Variants in DENND5B observed in about 807,000 individuals in gnomAD.
The protein encoded by DENND5B is DENN domain containing 5B, also known as DENN domain-containing protein 5B.
DENND5B carries 34 observed loss-of-function variants against 140.6 expected under a neutral mutation model. The observed-to-expected ratio is 0.24, with a 90% confidence interval of 0.18 to 0.32. The LOEUF (loss-of-function observed/expected upper bound fraction) is 0.32, where lower values mean the gene tolerates loss of function less well. Ranked by LOEUF, DENND5B falls within the 10% of genes least tolerant of loss-of-function variation. The pLI, the probability that DENND5B is intolerant of heterozygous loss-of-function variation, is 1.00. For synonymous variants in DENND5B, 551 were observed against 562.1 expected (o/e 0.98, Z 0.28); for missense variants, 1,142 against 1,560.2 (o/e 0.73, Z 4.52).
intron 11 of DENND5B, among the ~76,000 whole-genome samples, chr12:31,417,839 G>A (rs1371836150): frequency 6.6e-6 from 1 of 152,074 alleles, no homozygotes; most frequent in Non-Finnish European, 1.5e-5. Context: ...ACCTATATAA[G>A]TAGAACTTAG....
At chr12:31,503,828 C>A (rs775745238) in intron 1 of DENND5B, among the ~76,000 whole-genome samples, 4 of 152,084 alleles carry the variant, frequency 2.6e-5, no homozygotes, top group Non-Finnish European at 4.4e-5. Context: ...TGTTTCTGAC[C>A]AGAGACTTTC....
intron 1 of DENND5B, among the ~76,000 whole-genome samples, chr12:31,497,042 A>T (rs940759687): frequency 1.3e-5 from 2 of 151,930 alleles, no homozygotes; most frequent in African/African-American, 4.8e-5. Flanking sequence ...TCACAAAGCA[A>T]TTTGATTTAT....
At chr12:31,538,919 CTG>C (rs1392580352) in intron 1 of DENND5B, among the ~76,000 whole-genome samples, 1 of 146,260 alleles carries the variant, frequency 6.8e-6, no homozygotes, top group Non-Finnish European at 1.5e-5. Flanking sequence ...ATAAGTGAAA[CTG>C]AAACAAAAAA....
At chr12:31,590,396 C>T (rs1047076104) in intron 1 of DENND5B, 11 of 192,388 alleles carry the variant, frequency 5.7e-5, no homozygotes, top group Non-Finnish European at 1.1e-4. Context: ...CGGCCGCCTC[C>T]GAGTGCGGCT....
At chr12:31,524,285 C>T (rs1456456643) in intron 1 of DENND5B, among the ~76,000 whole-genome samples, 2 of 152,172 alleles carry the variant, frequency 1.3e-5, no homozygotes, top group African/African-American at 4.8e-5. Context: ...AGAAATGTCA[C>T]TGTGACAGTC....
intron 11 of DENND5B, among the ~76,000 whole-genome samples, chr12:31,417,849 G>A (rs555441828): frequency 1.1e-4 from 17 of 152,266 alleles, no homozygotes; most frequent in Non-Finnish European, 2.2e-4. Flanking sequence ...GTAGAACTTA[G>A]AATGTGAATT....
chr12:31,571,492 T>A (rs1365707892), intron 1 of DENND5B, among the ~76,000 whole-genome samples: 1 of 149,614 alleles, frequency 6.7e-6, no homozygotes, highest in Non-Finnish European at 1.5e-5. Flanking sequence ...GATTTGGGTT[T>A]AAAAAAAAAA....
At chr12:31,393,246 T>C (rs994213980) in intron 17 of DENND5B, among the ~76,000 whole-genome samples, 9 of 152,178 alleles carry the variant, frequency 5.9e-5, no homozygotes, top group Non-Finnish European at 1.0e-4. Flanking sequence ...TCAGTGGGCA[T>C]AGATTAAGGC....
At position 31,513,912 on chromosome 12, in the gene DENND5B, A is replaced by C. The variant is rs77446052; in HGVS notation, c.128-17993T>G. ...GAATGCAGTAGCACAATCATTGTTC[A>C]TGGTAACCTTGAACTCCTGGGCTCA... is the stretch of plus-strand genomic sequence containing the variant. On this transcript the variant is annotated intron_variant, in intron 1 of 20. Coordinates refer to ENST00000389082, the MANE Select transcript of DENND5B (RefSeq NM_144973.4). Among the ~76,000 whole-genome samples the C allele has an allele frequency of 4.2e-3, 627 of 150,968 alleles. 5 individuals are homozygous for C. Among genetic ancestry groups the C allele is most frequent in the African/African-American group, 0.014 (572 of 41,048 alleles).
chr12:31,421,178 G>A (rs1022336584), intron 11 of DENND5B, among the ~76,000 whole-genome samples: 1 of 151,980 alleles, frequency 6.6e-6, no homozygotes, highest in Non-Finnish European at 1.5e-5. Flanking sequence ...TGAGTAGCTG[G>A]GATTACAGAC....
At chr12:31,568,773 T>C (rs1372484496) in intron 1 of DENND5B, among the ~76,000 whole-genome samples, 1 of 152,140 alleles carries the variant, frequency 6.6e-6, no homozygotes, top group African/African-American at 2.4e-5. Flanking sequence ...CTTTTAAATT[T>C]TGTGAACCAG....
rs2137222307 is a variant in DENND5B at position 31,386,040 on chromosome 12, GA to G, written c.*1562del. 6.5e-6 allele frequency: 1 copy of G among 153,688 alleles called. No individual in the cohort carries two copies. Among genetic ancestry groups the G allele is most frequent in the African/African-American group, 2.4e-5 (1 of 41,622 alleles). The allele number at this position is 153,688 out of a possible 1,614,324, so 9.5% of individuals were successfully genotyped here. A position where few individuals can be genotyped will look rare whatever the true frequency, so the allele number is the denominator to read the frequency against. On this transcript the variant is annotated 3_prime_UTR_variant, in exon 21 of 21. Coordinates refer to ENST00000389082, the MANE Select transcript of DENND5B (RefSeq NM_144973.4). ...TCAAGTATGAAGTCACATGTTAAAA[GA>G]GGCTGTCCTTGGCTGTGTTTGATAA...
chr12:31,414,950 C>T (rs2137587637), intron 12 of DENND5B, among the ~76,000 whole-genome samples: 1 of 147,220 alleles, frequency 6.8e-6, no homozygotes, highest in South Asian at 2.2e-4. Flanking sequence ...CCTGTCTCTA[C>T]TAAAAATCAA....
At chr12:31,451,460 A>G (rs1160329801) in intron 5 of DENND5B, among the ~76,000 whole-genome samples, 1 of 151,990 alleles carries the variant, frequency 6.6e-6, no homozygotes, top group East Asian at 1.9e-4. Flanking sequence ...AGTAGCTGGG[A>G]CTACAGGTGT....
intron 1 of DENND5B, among the ~76,000 whole-genome samples, chr12:31,507,875 T>G (rs1334606952): frequency 6.6e-6 from 1 of 152,184 alleles, no homozygotes. Flanking sequence ...GAGCAAGAGT[T>G]TTCTCTTATA....
intron 3 of DENND5B, among the ~76,000 whole-genome samples, chr12:31,461,752 G>A (rs1218677033): frequency 6.6e-6 from 1 of 152,146 alleles, no homozygotes; most frequent in Non-Finnish European, 1.5e-5. Flanking sequence ...GAATTTTTTG[G>A]ATTTGTAGAA....
At chr12:31,522,337 C>CA (rs1947926696) in intron 1 of DENND5B, among the ~76,000 whole-genome samples, 1 of 152,242 alleles carries the variant, frequency 6.6e-6, no homozygotes, top group African/African-American at 2.4e-5. Flanking sequence ...CTGTACTCTG[C>CA]AGTCCTAAAT....
At chr12:31,387,831 C>A (rs771473133) in intron 20 of DENND5B, 45 bp from the exon 21 acceptor site, 2 of 1,580,108 alleles carry the variant, frequency 1.3e-6, no homozygotes, top group Non-Finnish European at 1.7e-6. Context: ...GCTGGCCTCG[C>A]TGCAGAACAA....
chr12:31,570,454 T>A (rs547180150), intron 1 of DENND5B, among the ~76,000 whole-genome samples: 1 of 151,674 alleles, frequency 6.6e-6, no homozygotes, highest in South Asian at 2.1e-4. Context: ...AATTTTTGTA[T>A]TTTTAGTAGA....
Sources: gnomAD v4.1 joint callset for allele counts (sites outside exome capture counted in the v4.1 genomes callset) on GRCh38, gnomAD v4.1.1 for gene constraint, MANE v1.5 for transcripts, NCBI Gene and HGNC (gene_info 2026-07-23, HGNC 2026-07-21) for gene names.